Variants in ADAM9 observed in about 807,000 individuals in gnomAD.
The protein encoded by ADAM9 is ADAM metallopeptidase domain 9, also known as disintegrin and metalloproteinase domain-containing protein 9.
A neutral mutation model predicts 108.1 loss-of-function variants in ADAM9; 54 were observed. The observed-to-expected ratio is 0.50, with a 90% CI of 0.40 to 0.63. The LOEUF is 0.63. ADAM9 is among the 20% of genes least tolerant of loss of function. The probability of loss-of-function intolerance (pLI) is 0.00; values close to 1 mark genes in which losing one functional copy is unlikely to be tolerated. For missense variants in ADAM9, 830 were observed against 997.7 expected (o/e 0.83, Z 2.26); for synonymous variants, 316 against 336.0 (o/e 0.94, Z 0.65).
chr8:39,060,428 G>C (rs1391236460), intron 14 of ADAM9, among the ~76,000 whole-genome samples: 1 of 152,128 alleles, frequency 6.6e-6, no homozygotes, highest in African/African-American at 2.4e-5. Flanking sequence ...TGGGTCAGTG[G>C]GTAAATGGGC....
intron 20 of ADAM9, among the ~76,000 whole-genome samples, chr8:39,094,019 GC>G (rs1237150492): frequency 3.3e-5 from 5 of 152,218 alleles, no homozygotes; most frequent in Non-Finnish European, 7.3e-5. Flanking sequence ...TGATCCACCT[GC>G]CTCGGCCTCC....
At position 39,023,786 on chromosome 8, in the gene ADAM9, G is replaced by T. The variant is rs188290343; in HGVS notation, c.914+461G>T. 1.6e-4 allele frequency among the ~76,000 whole-genome samples: 17 copies of T among 106,350 alleles called. No individual in the cohort carries two copies. In the East Asian group the frequency reaches 5.3e-3, roughly 33 times the overall value. 69.8% of individuals were successfully genotyped at this position (106,350 alleles called of 152,430 possible). A position where few individuals can be genotyped will look rare whatever the true frequency, so the allele number is the denominator to read the frequency against. On this transcript the variant is annotated intron_variant, in intron 9 of 21. Coordinates refer to ENST00000487273, the MANE Select transcript of ADAM9 (RefSeq NM_003816.3). ...TTTGGAGACAGAGTCTCACTCTGTT[G>T]CCCAGACCAGAGTGCAGTGGCACGA...
chr8:39,092,331 T>TACACACACAC (rs71552833), intron 20 of ADAM9, among the ~76,000 whole-genome samples: 3 of 148,796 alleles, frequency 2.0e-5, no homozygotes, highest in African/African-American at 7.4e-5. Context: ...AATATATTTA[T>TACACACACAC]ACACACACAC....
At chr8:39,039,849 G>A (rs1369514867) in intron 11 of ADAM9, among the ~76,000 whole-genome samples, 1 of 152,128 alleles carries the variant, frequency 6.6e-6, no homozygotes, top group Non-Finnish European at 1.5e-5. Context: ...TAATACAGAC[G>A]TCTTTATGAG....
At chr8:39,044,997 CACACATACCTATGTATGTGTATGTGTGT>C (rs1837588276) in intron 12 of ADAM9, among the ~76,000 whole-genome samples, 1 of 137,768 alleles carries the variant, frequency 7.3e-6, no homozygotes. Flanking sequence ...TATGTGTGTG[CACACATACCTATGTATGTGTATGTGTGT>C]GTGCATACAT....
chr8:39,087,844 A>G (rs533963091), intron 18 of ADAM9, among the ~76,000 whole-genome samples: 1 of 152,298 alleles, frequency 6.6e-6, no homozygotes, highest in South Asian at 2.1e-4. Flanking sequence ...GCATAGTTGA[A>G]AACCCATGTG....
chr8:39,022,118 GAGAA>G (rs1300959114), intron 8 of ADAM9, among the ~76,000 whole-genome samples: 5 of 151,784 alleles, frequency 3.3e-5, no homozygotes, highest in Admixed American at 1.3e-4. Context: ...GAGAGAGAGA[GAGAA>G]AGAGAGTGTT....
At chr8:39,022,108 G>A (rs1024727858) in intron 8 of ADAM9, among the ~76,000 whole-genome samples, 1 of 151,766 alleles carries the variant, frequency 6.6e-6, no homozygotes, top group Non-Finnish European at 1.5e-5. Context: ...GAGAGAGAGA[G>A]AGAGAGAGAG....
At chr8:38,999,546 C>A (rs1345918928) in intron 1 of ADAM9, among the ~76,000 whole-genome samples, 1 of 152,072 alleles carries the variant, frequency 6.6e-6, no homozygotes, top group Non-Finnish European at 1.5e-5. Context: ...AACTTAGGTC[C>A]ATACTAATCT....
At position 39,039,595 on chromosome 8, in the gene ADAM9, GGA is replaced by G. The variant is rs141421578; in HGVS notation, c.1131-2350_1131-2349del. ...AATCAGTGTTTTATTTTCTGTCTCT[GGA>G]TTTTCCACTTCTTTTTTTAGATTCC... On this transcript the variant is annotated intron_variant, in intron 11 of 21. Coordinates refer to ENST00000487273, the MANE Select transcript of ADAM9 (RefSeq NM_003816.3). 2.1e-4 allele frequency among the ~76,000 whole-genome samples: 32 copies of G among 152,216 alleles called. No homozygotes were observed. In the East Asian group the frequency reaches 6.2e-3, roughly 29 times the overall value.
intron 12 of ADAM9, among the ~76,000 whole-genome samples, chr8:39,048,238 C>T (rs545537813): frequency 1.3e-5 from 2 of 152,130 alleles, no homozygotes; most frequent in East Asian, 3.9e-4. Flanking sequence ...TGTTTTATTT[C>T]ATAAGTTTTT....
At chr8:39,005,701 A>AG (rs568370347) in intron 1 of ADAM9, among the ~76,000 whole-genome samples, 52 of 152,364 alleles carry the variant, frequency 3.4e-4, no homozygotes, top group Admixed American at 2.3e-3. Flanking sequence ...ATTTAATGTC[A>AG]GGTGTACTAT....
chr8:39,077,646 C>T (rs1277017098), intron 16 of ADAM9, among the ~76,000 whole-genome samples: 1 of 152,014 alleles, frequency 6.6e-6, no homozygotes, highest in East Asian at 1.9e-4. Context: ...TGCATGGTTC[C>T]CTCCCCTACT....
At chr8:39,033,001 G>A (rs996253963) in intron 11 of ADAM9, among the ~76,000 whole-genome samples, 1 of 152,206 alleles carries the variant, frequency 6.6e-6, no homozygotes, top group Non-Finnish European at 1.5e-5. Context: ...CGCATTGAAT[G>A]TATAGATCAA....
At chr8:39,018,989 T>A in intron 7 of ADAM9, 71 bp downstream of exon 7, 4 of 1,328,982 alleles carry the variant, frequency 3.0e-6, no homozygotes, top group Non-Finnish European at 4.3e-6. Flanking sequence ...ATGAAGGAAA[T>A]CTAAACTACA....
chr8:39,053,800 G>T (rs563166968), intron 12 of ADAM9, among the ~76,000 whole-genome samples: 5 of 152,258 alleles, frequency 3.3e-5, no homozygotes, highest in African/African-American at 1.2e-4. Flanking sequence ...CAACAGAGAA[G>T]TTAGACCCTG....
At chr8:39,085,688 A>G (rs1263742669) in intron 18 of ADAM9, among the ~76,000 whole-genome samples, 3 of 152,256 alleles carry the variant, frequency 2.0e-5, no homozygotes, top group Admixed American at 6.5e-5. Context: ...AAAATCTGCT[A>G]TCATCCTTTT....
intron 18 of ADAM9, among the ~76,000 whole-genome samples, chr8:39,089,259 GA>G (rs560658230): frequency 1.9e-4 from 28 of 150,388 alleles, no homozygotes; most frequent in African/African-American, 5.9e-4. Context: ...GAAAAGAAAA[GA>G]AAAAAAAATT....
rs1311025222 is a variant in ADAM9, at chr8:39,093,805, T to G, written c.2298+2459T>G. 2.0e-5 allele frequency among the ~76,000 whole-genome samples: 3 copies of G among 152,358 alleles called. No individual in the cohort carries two copies. The East Asian group carries it at 5.8e-4, about 29-fold the overall frequency. ...TTGTTTTTGAGATAGAGTCTCGCTCTGTCACCCAGGCTGCAGTGCAGTGGC... is the reference window on the plus strand; with the variant it reads ...TTGTTTTTGAGATAGAGTCTCGCTCGGTCACCCAGGCTGCAGTGCAGTGGC... On this transcript the variant is annotated intron_variant, in intron 20 of 21. Coordinates refer to ENST00000487273, the MANE Select transcript of ADAM9 (RefSeq NM_003816.3).
Sources: allele counts gnomAD v4.1 joint callset (sites outside exome capture counted in the v4.1 genomes callset), GRCh38; gene constraint gnomAD v4.1.1; transcripts MANE v1.5; gene names NCBI Gene and HGNC (gene_info 2026-07-23, HGNC 2026-07-21).